The following KATNIP variants were observed in gnomAD, a reference collection of about 807,000 sequenced individuals.
KATNIP encodes katanin-interacting protein.
A neutral mutation model predicts 174.0 loss-of-function variants in KATNIP; 126 were observed. The ratio of observed to expected loss-of-function variants is 0.72; its 90% CI spans 0.63 to 0.84. The LOEUF is 0.84. Ranked by LOEUF, KATNIP falls within the 40% of genes least tolerant of loss-of-function variation. KATNIP has a pLI of 0.00. For missense variants in KATNIP, 1,958 were observed against 2,109.7 expected (o/e 0.93, Z 1.41); for synonymous variants, 810 against 835.7 (o/e 0.97, Z 0.53).
At chr16:27,662,522 G>A (rs187187898) in intron 6 of KATNIP, among the ~76,000 whole-genome samples, 2 of 152,244 alleles carry the variant, frequency 1.3e-5, no homozygotes, top group East Asian at 3.9e-4. Context: ...CACAGGGCAA[G>A]CTGAGCAGGA....
rs1236975915 is a variant in KATNIP, at chr16:27,773,144, A to G, written c.4244A>G (p.Tyr1415Cys). 2 of 1,612,820 alleles carry G rather than the reference A, an allele frequency of 1.2e-6. No individual in the cohort carries two copies. The highest frequency in any genetic ancestry group is 1.7e-4 in the Middle Eastern group (1 of 6,056). ...QLLTSWGDPYYIGLTGLELYD... is the reference protein window; with the variant it reads ...QLLTSWGDPYCIGLTGLELYD... ...CTCACCAGCTGGGGCGACCCCTACT[A>G]CATCGGCCTCACCGGCCTGGAGCTG... The change falls in exon 23 of 28, where the codon TAC becomes TGC. Residue 1415 changes from tyrosine (Y) to cysteine (C), a missense_variant. Transcript: ENST00000261588.
At position 27,751,885 on chromosome 16, in the gene KATNIP, G is replaced by C. The variant is rs201241862; in HGVS notation, c.3513G>C (p.Glu1171Asp). ...GCACGGCCGACGGCGAGGGGGATGA[G>C]CGGCCCTTCACCCAGGCTGGCTTGG... is the stretch of plus-strand genomic sequence containing the variant. ...RPSTADGEGD[E>D]RPFTQAGLGA... The change falls in exon 17 of 28, where the codon GAG (glutamate) becomes GAC (aspartate). Residue 1171 changes from glutamate (E) to aspartate (D), a missense_variant. By Grantham distance (45) the Glu-to-Asp change is conservative (BLOSUM62 2). Around this residue, in one of 3 missense-constraint regions of KATNIP, gnomAD observed 1,557 missense variants for 1,617.8 expected, o/e 0.96. Transcript: ENST00000261588. 94 of 1,612,864 alleles carry C rather than the reference G, an allele frequency of 5.8e-5. No individual in the cohort carries two copies. Among genetic ancestry groups the C allele is most frequent in the Non-Finnish European group, 2.4e-5 (28 of 1,179,954 alleles).
intron 2 of KATNIP, among the ~76,000 whole-genome samples, chr16:27,589,341 T>C (rs2141848708): frequency 6.6e-6 from 1 of 152,336 alleles, no homozygotes; most frequent in Admixed American, 6.5e-5. Flanking sequence ...CTTCAGTCTT[T>C]GTGGGCCACA....
At chr16:27,578,705 G>A (rs950742884) in intron 2 of KATNIP, among the ~76,000 whole-genome samples, 6 of 152,182 alleles carry the variant, frequency 3.9e-5, no homozygotes, top group African/African-American at 1.2e-4. Context: ...AGCTTCCCAA[G>A]TAGGTGAGAT....
intron 24 of KATNIP, among the ~76,000 whole-genome samples, chr16:27,775,512 G>A (rs958382513): frequency 2.6e-5 from 4 of 152,196 alleles, no homozygotes; most frequent in Non-Finnish European, 5.9e-5. Flanking sequence ...ACCCCAGTAC[G>A]GCCGCCCTGC....
intron 2 of KATNIP, among the ~76,000 whole-genome samples, chr16:27,613,656 T>A (rs965782897): frequency 6.6e-6 from 1 of 152,168 alleles, no homozygotes; most frequent in Non-Finnish European, 1.5e-5. Context: ...AATCACTACT[T>A]CAAGGGCTTC....
At chr16:27,741,115 C>T in intron 15 of KATNIP, among the ~76,000 whole-genome samples, 195 bp downstream of exon 15, 1 of 152,230 alleles carries the variant, frequency 6.6e-6, no homozygotes, top group East Asian at 1.9e-4. Context: ...ACACATTTTG[C>T]ATGGTAAATT....
chr16:27,665,793 G>T (rs1352172797), intron 6 of KATNIP, among the ~76,000 whole-genome samples: 1 of 151,736 alleles, frequency 6.6e-6, no homozygotes, highest in Non-Finnish European at 1.5e-5. Flanking sequence ...TAGAGATGGG[G>T]TTTCACCATG....
intron 12 of KATNIP, among the ~76,000 whole-genome samples, chr16:27,707,417 C>T (rs147212771): frequency 1.6e-3 from 237 of 152,314 alleles, no homozygotes; most frequent in African/African-American, 4.9e-3. Flanking sequence ...GGCATTAAAA[C>T]CAATGAAGGA....
chr16:27,651,525 G>A (rs978842062), intron 6 of KATNIP, among the ~76,000 whole-genome samples: 10 of 151,876 alleles, frequency 6.6e-5, no homozygotes, highest in Admixed American at 5.2e-4. Flanking sequence ...ATGCATGTCC[G>A]CATATGTACT....
chr16:27,593,339 A>G (rs1426441213), intron 2 of KATNIP, among the ~76,000 whole-genome samples: 1 of 150,672 alleles, frequency 6.6e-6, no homozygotes. Flanking sequence ...CCCGGGTTCA[A>G]GCAACTCTTC....
intron 5 of KATNIP, among the ~76,000 whole-genome samples, chr16:27,633,457 A>AT (rs377474506): frequency 0.022 from 3,275 of 149,062 alleles, 135 homozygotes; most frequent in African/African-American, 0.076. Context: ...ATTTTTATAT[A>AT]TTTTTTATTT....
At chr16:27,708,022 AC>A (rs1158704388) in intron 12 of KATNIP, among the ~76,000 whole-genome samples, 5 of 142,104 alleles carry the variant, frequency 3.5e-5, no homozygotes, top group South Asian at 4.3e-4. Context: ...TCAGCCCGTA[AC>A]CTTTTTTTTT....
At chr16:27,564,951 G>T (rs1041583334) in intron 1 of KATNIP, among the ~76,000 whole-genome samples, 10 of 151,730 alleles carry the variant, frequency 6.6e-5, no homozygotes, top group Admixed American at 6.6e-4. Context: ...TTTTGGTAGA[G>T]ACAGGGTTTC....
chr16:27,611,658 T>G (rs781016703), intron 2 of KATNIP, among the ~76,000 whole-genome samples: 1 of 152,144 alleles, frequency 6.6e-6, no homozygotes, highest in Non-Finnish European at 1.5e-5. Context: ...TTACTTCCAC[T>G]TTAATCCTAG....
intron 6 of KATNIP, chr16:27,669,195 G>GTGA: frequency 1.4e-6 from 1 of 727,158 alleles, no homozygotes; most frequent in Non-Finnish European, 1.7e-6. Context: ...GAAAGAGGAA[G>GTGA]CTCAGGCATA....
In KATNIP at chr16:27,761,447, C is replaced by T; in HGVS notation, c.3666C>T (p.Asp1222=). ...LQLNFTASWG[D]LHYLGLTGLE... Reference sequence around the variant, plus strand: ...TGAATTTCACTGCCTCCTGGGGAGACTTGCACTACCTGGGGCTCACTGGCC... The same window carrying T: ...TGAATTTCACTGCCTCCTGGGGAGATTTGCACTACCTGGGGCTCACTGGCC... The change falls in exon 19 of 28, where the codon GAC becomes GAT. Residue 1222 remains aspartate (D), a synonymous_variant. Transcript: ENST00000261588. 1.9e-6 allele frequency: 3 copies of T among 1,613,690 alleles called. No individual in the cohort carries two copies. Among genetic ancestry groups the T allele is most frequent in the Middle Eastern group, 1.7e-4 (1 of 6,058 alleles).
chr16:27,678,245 T>C (rs1221669492), intron 7 of KATNIP, among the ~76,000 whole-genome samples: 1 of 152,232 alleles, frequency 6.6e-6, no homozygotes, highest in Non-Finnish European at 1.5e-5. Context: ...CACTGTAAGA[T>C]GTTTTGCAGC....
At position 27,619,149 on chromosome 16, in the gene KATNIP, T is replaced by G. The variant is rs2076125585; in HGVS notation, c.140+648T>G. Among the ~76,000 whole-genome samples, 2 of 152,178 alleles carry G rather than the reference T, an allele frequency of 1.3e-5. 1 individual carries two copies. The highest frequency in any genetic ancestry group is 2.9e-5 in the Non-Finnish European group (2 of 68,030). ...CAAACTTTGCAATAAGCTGGGGATT[T>G]GCAAATTCAGATGCTGGGAGTGGCC... On this transcript the variant is annotated intron_variant, in intron 3 of 27. Coordinates refer to ENST00000261588, the MANE Select transcript of KATNIP (RefSeq NM_015202.5).
Sources: allele counts gnomAD v4.1 joint callset (sites outside exome capture counted in the v4.1 genomes callset), GRCh38; gene constraint gnomAD v4.1.1; regional missense constraint gnomAD v4.1.1; transcripts MANE v1.5; gene names NCBI Gene and HGNC (gene_info 2026-07-23, HGNC 2026-07-21).